The following KRT33B variants were observed in gnomAD, a reference collection of about 807,000 sequenced individuals.
KRT33B encodes keratin 33B, also known as keratin, type I cuticular Ha3-II.
KRT33B carries 37 observed loss-of-function variants against 42.7 expected under a neutral mutation model. The ratio of observed to expected loss-of-function variants is 0.87; its 90% CI spans 0.67 to 1.14. KRT33B has a LOEUF of 1.14. Ranked by LOEUF, KRT33B falls within the 50% of genes most tolerant of loss-of-function variation. The probability of loss-of-function intolerance (pLI) is 0.00; values close to 1 mark genes in which losing one functional copy is unlikely to be tolerated. For missense variants in KRT33B, 523 were observed against 515.1 expected (o/e 1.02, Z -0.15); for synonymous variants, 237 against 221.2 (o/e 1.07, Z -0.63).
In KRT33B at chr17:41,365,103, G is replaced by A. The variant is rs1214547496; in HGVS notation, c.876+72C>T. The A allele has an allele frequency of 3.7e-6, 6 of 1,609,034 alleles. No homozygotes were observed. In the East Asian group the frequency reaches 1.3e-4, roughly 36 times the overall value. On this transcript the variant is annotated intron_variant, in intron 5 of 6. Transcript: ENST00000251646. ...CTCCAAGAGCTAAGAAGAGTGTGTG[G>A]CCCCAAGGGCATCCCCAAGACTCTG...
At position 41,369,469 on chromosome 17, in the gene KRT33B, C is replaced by A; in HGVS notation, c.282G>T (p.Gln94His). Residue 94 changes from glutamine (Q) to histidine (H), a missense_variant, in exon 1 of 7, where the codon CAG (glutamine) becomes CAT (histidine). Coordinates refer to ENST00000251646, the MANE Select transcript of KRT33B (RefSeq NM_002279.5). Reference sequence around the variant, plus strand: ...AGCTGGGGCACAGCAAGGGCTCCTGCTGCTGAGACCGCTCCCGGATGAGGT... The same window carrying A: ...AGCTGGGGCACAGCAAGGGCTCCTGATGCTGAGACCGCTCCCGGATGAGGT... ...LENLIRERSQ[Q>H]QEPLLCPSYQ... 1 of 1,613,672 alleles carries A rather than the reference C, an allele frequency of 6.2e-7. No individual in the cohort carries two copies. The highest frequency in any genetic ancestry group is 8.5e-7 in the Non-Finnish European group (1 of 1,180,054).
At chr17:41,367,652 C>G (rs2017718366) in intron 2 of KRT33B, among the ~76,000 whole-genome samples, 1 of 151,038 alleles carries the variant, frequency 6.6e-6, no homozygotes, top group African/African-American at 2.5e-5. Context: ...TGCAGTGAGC[C>G]AAGATTGCAT....
In KRT33B at chr17:41,364,835, C is replaced by G. The variant is rs754257990; in HGVS notation, c.1041G>C (p.Ala347=). 34 of 1,612,636 alleles carry G rather than the reference C, an allele frequency of 2.1e-5. 1 individual carries two copies. In the East Asian group the frequency reaches 5.6e-4, roughly 26 times the overall value. The stretch of plus-strand genomic sequence containing the variant: ...ATGTGTTGATCTCACACTCCAGCCG[C>G]GCCCGCACGTCCAGCAGCACCTGAT... ...QEYQVLLDVR[A]RLECEINTYR... is the part of the protein sequence containing the mutation. The change falls in exon 6 of 7, where the codon GCG becomes GCC. Residue 347 remains alanine, a synonymous_variant. Coordinates refer to ENST00000251646, the MANE Select transcript of KRT33B (RefSeq NM_002279.5).
chr17:41,367,807 C>G, intron 2 of KRT33B, 101 bp downstream of exon 2: 4 of 1,002,612 alleles, frequency 4.0e-6, no homozygotes, highest in Non-Finnish European at 6.3e-6. Flanking sequence ...AGAATCCTCC[C>G]AATAGAAATT....
Position 41,365,563 on chromosome 17 carries a change from A to G in KRT33B, c.589-10T>C. On this transcript the variant is annotated splice_polypyrimidine_tract_variant and intron_variant, in intron 3 of 6. Transcript: ENST00000251646. ...GCAAGGTGTTGACTTCCTAATGGAG[A>G]AAAGGGAAGAAATAAACCCACAGAA... 6.2e-7 allele frequency: 1 copy of G among 1,607,726 alleles called. No homozygotes were observed. Among genetic ancestry groups the G allele is most frequent in the Non-Finnish European group, 8.5e-7 (1 of 1,178,728 alleles).
chr17:41,366,911 G>A (rs1158679542), intron 2 of KRT33B, among the ~76,000 whole-genome samples: 1 of 151,186 alleles, frequency 6.6e-6, no homozygotes, highest in African/African-American at 2.5e-5. Context: ...TGCTGCTTTT[G>A]CCATCTCAAG....
chr17:41,365,254 T>A lies in KRT33B; in HGVS notation c.797A>T (p.Gln266Leu). 6.2e-7 allele frequency: 1 copy of A among 1,611,904 alleles called. No individual in the cohort carries two copies. The highest frequency in any genetic ancestry group is 8.5e-7 in the Non-Finnish European group (1 of 1,179,998). ...CTCGATGATCTCCGCCTGGTAGGAC[T>A]GCAGCTGCTCCGAGCTGGATACCAC... ...KQVVSSSEQL[Q>L]SYQAEIIELR... Residue 266 changes from glutamine to leucine, a missense_variant, in exon 5 of 7, where the codon CAG (glutamine) becomes CTG (leucine). Gln to Leu is a moderately radical substitution (Grantham distance 113). Transcript: ENST00000251646.
In KRT33B at chr17:41,363,539, G is replaced by T; in HGVS notation, c.*297C>A. On this transcript the variant is annotated 3_prime_UTR_variant, in exon 7 of 7. Transcript: ENST00000251646. The stretch of plus-strand genomic sequence containing the variant: ...AGTTTATTAGGCGATTTGGGGAACT[G>T]CAATAAAGGTAGAAGCAGCAGAGAG... The T allele has an allele frequency of 3.4e-6, 1 of 296,814 alleles. No homozygotes were observed. Among genetic ancestry groups the T allele is most frequent in the Non-Finnish European group, 6.2e-6 (1 of 161,980 alleles). The allele number at this position is 296,814 out of a possible 1,614,324, so 18.4% of individuals were successfully genotyped here.
chr17:41,367,994 GGGATA>G lies in KRT33B; in HGVS notation c.349-9_349-5del, dbSNP rs751100116. The stretch of plus-strand genomic sequence containing the variant: ...TCTCAGACTTGCTGCACAGGATCTG[GGGATA>G]GGATTAATCATGAAATGGGTTATAC... On this transcript the variant is annotated splice_polypyrimidine_tract_variant and splice_region_variant and intron_variant, in intron 1 of 6. Transcript: ENST00000251646. 1.2e-6 allele frequency: 2 copies of G among 1,612,796 alleles called. No individual in the cohort carries two copies. The highest frequency in any genetic ancestry group is 8.5e-7 in the Non-Finnish European group (1 of 1,179,876).
In KRT33B at chr17:41,364,917, T is replaced by C. The variant is rs988723434; in HGVS notation, c.959A>G (p.Asn320Ser). Residue 320 changes from asparagine to serine, a missense_variant, in exon 6 of 7, where the codon AAC (asparagine) becomes AGC (serine). By Grantham distance (46) the Asn-to-Ser change is conservative. Transcript: ENST00000251646. ...GATCTCCGCCAGCTGGGACTCCACGTTGGTGATCAGGCTCTGCACCTGGGA... is the reference window on the plus strand; with the variant it reads ...GATCTCCGCCAGCTGGGACTCCACGCTGGTGATCAGGCTCTGCACCTGGGA... ...QLSQVQSLIT[N>S]VESQLAEIRS... The C allele has an allele frequency of 2.0e-5, 32 of 1,613,384 alleles. No individual in the cohort carries two copies. Among genetic ancestry groups the C allele is most frequent in the Non-Finnish European group, 2.7e-5 (32 of 1,180,040 alleles).
At chr17:41,366,353 A>T in intron 3 of KRT33B, 117 bp downstream of exon 3, 1 of 1,217,368 alleles carries the variant, frequency 8.2e-7, no homozygotes, top group Non-Finnish European at 1.1e-6. Context: ...GTATGTTTTG[A>T]GCAACCAGCA....
At chr17:41,364,550 T>C (rs1218074210) in intron 6 of KRT33B, among the ~76,000 whole-genome samples, 1 of 151,386 alleles carries the variant, frequency 6.6e-6, no homozygotes, top group African/African-American at 2.5e-5. Context: ...ATCCAAAAAA[T>C]CTCTACTGGA....
At chr17:41,364,044 C>A in intron 6 of KRT33B, 91 bp from the exon 7 acceptor site, 1 of 885,126 alleles carries the variant, frequency 1.1e-6, no homozygotes. Flanking sequence ...CAAGCAGAAC[C>A]CGTTCTCTGA....
chr17:41,369,277 C>G, intron 1 of KRT33B, 126 bp downstream of exon 1: 3 of 1,322,220 alleles, frequency 2.3e-6, no homozygotes, highest in Non-Finnish European at 3.1e-6. Flanking sequence ...CATACCTAAG[C>G]CAGTGAATCT....
chr17:41,369,602 C>T lies in KRT33B; in HGVS notation c.149G>A (p.Gly50Asp), dbSNP rs1254580920. The T allele has an allele frequency of 6.2e-7, 1 of 1,613,544 alleles. No individual in the cohort carries two copies. The highest frequency in any genetic ancestry group is 2.2e-5 in the East Asian group (1 of 44,886). The stretch of plus-strand genomic sequence containing the variant: ...CTCCTTCTCGCTGCCATTGAAGGAG[C>T]CCTCGCAGAACCAGTTGCAGTTGCT... The part of the protein sequence containing the change: ...NVSNCNWFCE[G>D]SFNGSEKETM... The change falls in exon 1 of 7, where the codon GGC becomes GAC. Residue 50 changes from glycine to aspartate, a missense_variant. By Grantham distance (94) the Gly-to-Asp change is moderately conservative. Transcript: ENST00000251646.
chr17:41,365,276 C>G lies in KRT33B; in HGVS notation c.775G>C (p.Val259Leu), dbSNP rs1220760757. 3.1e-6 allele frequency: 5 copies of G among 1,612,466 alleles called. No individual in the cohort carries two copies. The highest frequency in any genetic ancestry group is 1.8e-4 in the Middle Eastern group (1 of 5,488). Reference protein sequence around the residue: ...TQTEELNKQVVSSSEQLQSYQ... With the variant: ...TQTEELNKQVLSSSEQLQSYQ... ...GACTGCAGCTGCTCCGAGCTGGATA[C>G]CACCTGCTTGTTCAGCTCCTCGGTC... The change falls in exon 5 of 7, where the codon GTA becomes CTA. Residue 259 changes from valine (V) to leucine (L), a missense_variant. Coordinates refer to ENST00000251646, the MANE Select transcript of KRT33B (RefSeq NM_002279.5).
chr17:41,364,924 T>C lies in KRT33B; in HGVS notation c.952A>G (p.Ile318Val), dbSNP rs370904258. 1 of 1,613,310 alleles carries C rather than the reference T, an allele frequency of 6.2e-7. No homozygotes were observed. Among genetic ancestry groups the C allele is most frequent in the Non-Finnish European group, 8.5e-7 (1 of 1,180,060 alleles). The change falls in exon 6 of 7, where the codon ATC becomes GTC. Residue 318 changes from isoleucine (I) to valine (V), a missense_variant. Coordinates refer to ENST00000251646, the MANE Select transcript of KRT33B (RefSeq NM_002279.5). ...GCCAGCTGGGACTCCACGTTGGTGA[T>C]CAGGCTCTGCACCTGGGACAGCTGG... ...SSQLSQVQSL[I>V]TNVESQLAEI... is the part of the protein sequence containing the mutation.
Position 41,364,191 on chromosome 17 carries a change from C to T in KRT33B, c.1098-238G>A, listed in dbSNP as rs755414449. ...CCTAGACACACAAGAAAGTCACTTC[C>T]TCCTTCTAAGCCTCAGCTTTCCCAC... On this transcript the variant is annotated intron_variant, in intron 6 of 6. Coordinates refer to ENST00000251646, the MANE Select transcript of KRT33B (RefSeq NM_002279.5). Among the ~76,000 whole-genome samples, 19 of 151,334 alleles carry T rather than the reference C, an allele frequency of 1.3e-4. 1 individual carries two copies. The highest frequency in any genetic ancestry group is 7.3e-5 in the Non-Finnish European group (5 of 68,032).
At chr17:41,367,301 G>A in intron 2 of KRT33B, among the ~76,000 whole-genome samples, 1 of 151,370 alleles carries the variant, frequency 6.6e-6, no homozygotes, top group East Asian at 1.9e-4. Context: ...TTTTTGGGGG[G>A]TTGACAGTGA....
Sources: gnomAD v4.1 joint callset for allele counts (sites outside exome capture counted in the v4.1 genomes callset) on GRCh38, gnomAD v4.1.1 for gene constraint, MANE v1.5 for transcripts, NCBI Gene and HGNC (gene_info 2026-07-23, HGNC 2026-07-21) for gene names.